ELAVL2: variants seen among roughly 807,000 people sequenced by gnomAD.
ELAVL2 encodes the protein ELAV like RNA binding protein 2, also known as ELAV-like protein 2.
ELAVL2 carries 4 observed loss-of-function variants against 34.6 expected under a neutral mutation model. The observed-to-expected ratio is 0.12, with a 90% CI of 0.06 to 0.26. The LOEUF is 0.26. Among genes scored for constraint, ELAVL2 ranks in the 10% least tolerant of loss-of-function variants. The pLI is 1.00. For missense variants in ELAVL2, 432 were observed against 442.8 expected, an observed-to-expected ratio of 0.98 and a Z score of 0.22; for synonymous variants, 193 against 154.8, an observed-to-expected ratio of 1.25 and a Z score of -1.83.
At chr9:23,764,782 A>C (rs1373670542) in intron 1 of ELAVL2, among the ~76,000 whole-genome samples, 1 of 152,168 alleles carries the variant, frequency 6.6e-6, no homozygotes, top group Non-Finnish European at 1.5e-5. Flanking sequence ...ATCCTAATTT[A>C]GATTGTAAAA....
At chr9:23,740,629 C>CAAGA (rs1003576754) in intron 2 of ELAVL2, among the ~76,000 whole-genome samples, 46 of 151,072 alleles carry the variant, frequency 3.0e-4, no homozygotes, top group African/African-American at 1.1e-3. Flanking sequence ...TTAATCCATC[C>CAAGA]AAGAGACTAT....
In ELAVL2 at chr9:23,825,852, T is replaced by A. The variant is rs185582890; in HGVS notation, c.-62A>T. 6.6e-6 allele frequency: 1 copy of A among 152,342 alleles called. No homozygotes were observed. Among genetic ancestry groups the A allele is most frequent in the Non-Finnish European group, 1.5e-5 (1 of 68,040 alleles). 9.4% of individuals were successfully genotyped at this position (152,342 alleles called of 1,614,324 possible). On this transcript the variant is annotated 5_prime_UTR_variant, in exon 1 of 7. Coordinates refer to ENST00000397312, the MANE Select transcript of ELAVL2 (RefSeq NM_004432.5). ...TGTATGTGTGTTTTTAAAGTAACGG[T>A]GCAGTTCTCCCAATAAGGATGAGCA...
At chr9:23,762,548 T>C (rs974053744) in intron 1 of ELAVL2, among the ~76,000 whole-genome samples, 5 of 151,996 alleles carry the variant, frequency 3.3e-5, no homozygotes, top group Admixed American at 2.6e-4. Context: ...TCACCTGCAG[T>C]GTCCACAGAT....
intron 2 of ELAVL2, among the ~76,000 whole-genome samples, chr9:23,742,454 G>A (rs751951134): frequency 6.6e-6 from 1 of 152,288 alleles, no homozygotes; most frequent in South Asian, 2.1e-4. Flanking sequence ...ATACAATATG[G>A]TGACATCAAG....
At chr9:23,820,277 G>C (rs978164878) in intron 1 of ELAVL2, among the ~76,000 whole-genome samples, 6 of 152,234 alleles carry the variant, frequency 3.9e-5, no homozygotes, top group African/African-American at 1.4e-4. Context: ...CGTAAGTTTT[G>C]AGGCTGAGCT....
chr9:23,807,863 G>A (rs936015038), intron 1 of ELAVL2, among the ~76,000 whole-genome samples: 1 of 152,116 alleles, frequency 6.6e-6, no homozygotes, highest in African/African-American at 2.4e-5. Flanking sequence ...TCAAAGCCAT[G>A]GGTAAAGAGA....
At chr9:23,730,317 C>G (rs945443887) in intron 3 of ELAVL2, among the ~76,000 whole-genome samples, 1 of 152,044 alleles carries the variant, frequency 6.6e-6, no homozygotes, top group Non-Finnish European at 1.5e-5. Flanking sequence ...ATTTACTGTA[C>G]GTCTTAAAAA....
chr9:23,701,331 AT>A, intron 5 of ELAVL2, 47 bp downstream of exon 5: 1 of 1,590,490 alleles, frequency 6.3e-7, no homozygotes, highest in Non-Finnish European at 8.6e-7. Context: ...AAACCTGAGT[AT>A]TCTCTTTCAG....
chr9:23,722,985 G>T (rs1289023958), intron 3 of ELAVL2, among the ~76,000 whole-genome samples: 1 of 152,136 alleles, frequency 6.6e-6, no homozygotes, highest in Non-Finnish European at 1.5e-5. Context: ...GGTGATAAAT[G>T]AAAGAAAAGC....
At position 23,690,161 on chromosome 9, in the gene ELAVL2, A is replaced by G. The variant is rs940343557; in HGVS notation, c.*2396T>C. 6.6e-6 allele frequency: 1 copy of G among 152,600 alleles called. No individual in the cohort carries two copies. The highest frequency in any genetic ancestry group is 1.5e-5 in the Non-Finnish European group (1 of 68,018). 9.5% of individuals were successfully genotyped at this position (152,600 alleles called of 1,614,324 possible). A position where few individuals can be genotyped will look rare whatever the true frequency, so the allele number is the denominator to read the frequency against. On this transcript the variant is annotated 3_prime_UTR_variant, in exon 7 of 7. Transcript: ENST00000397312. ...ACATGAAAAAGTACAAAGAATCCAA[A>G]CACAAAAGAAAACATGTACAGCCTC...
intron 1 of ELAVL2, among the ~76,000 whole-genome samples, chr9:23,794,326 G>C (rs1276494882): frequency 6.6e-6 from 1 of 152,086 alleles, no homozygotes; most frequent in African/African-American, 2.4e-5. Context: ...TGCCCAAAAG[G>C]GCTGGGCCAT....
At chr9:23,849,126 A>G in the ELAVL2 span, among the ~76,000 whole-genome samples, 1 of 152,212 alleles carries the variant, frequency 6.6e-6, no homozygotes, top group East Asian at 1.9e-4. Context: ...AATGAATGAG[A>G]AAAAGGGGCA....
At chr9:23,833,060 CG>C in the ELAVL2 span, among the ~76,000 whole-genome samples, 2 of 151,698 alleles carry the variant, frequency 1.3e-5, no homozygotes, top group South Asian at 2.1e-4. Flanking sequence ...GAGGTGTTTG[CG>C]TTTTTTTTAT....
chr9:23,813,648 G>C (rs141574593), intron 1 of ELAVL2, among the ~76,000 whole-genome samples: 308 of 152,236 alleles, frequency 2.0e-3, no homozygotes, highest in African/African-American at 5.0e-3. Context: ...AAATCCCAGG[G>C]GGGGAGGAGA....
chr9:23,767,865 T>C (rs184284381), intron 1 of ELAVL2, among the ~76,000 whole-genome samples: 3 of 152,296 alleles, frequency 2.0e-5, no homozygotes, highest in Non-Finnish European at 4.4e-5. Context: ...AAAGGTTCCA[T>C]AGCCTAGAAA....
chr9:23,703,488 A>T (rs2038189409), intron 4 of ELAVL2, among the ~76,000 whole-genome samples: 1 of 152,178 alleles, frequency 6.6e-6, no homozygotes, highest in Non-Finnish European at 1.5e-5. Flanking sequence ...CATGACAGCA[A>T]AATCTGTAGG....
intron 1 of ELAVL2, among the ~76,000 whole-genome samples, chr9:23,782,967 T>C (rs2059255748): frequency 6.6e-6 from 1 of 152,168 alleles, no homozygotes; most frequent in African/African-American, 2.4e-5. Flanking sequence ...CAGTTGCTCA[T>C]TGTGCCTTCA....
At chr9:23,820,087 T>A (rs1267355616) in intron 1 of ELAVL2, among the ~76,000 whole-genome samples, 1 of 151,908 alleles carries the variant, frequency 6.6e-6, no homozygotes, top group Non-Finnish European at 1.5e-5. Flanking sequence ...CTCACCAAAA[T>A]GGAAACTCCA....
intron 2 of ELAVL2, among the ~76,000 whole-genome samples, chr9:23,749,947 C>G (rs968053437): frequency 1.3e-5 from 2 of 151,124 alleles, no homozygotes; most frequent in Non-Finnish European, 2.9e-5. Context: ...ATTCACTATA[C>G]TAACAGGTCC....
Sources: gnomAD v4.1 joint callset for allele counts (sites outside exome capture counted in the v4.1 genomes callset) on GRCh38, gnomAD v4.1.1 for gene constraint, MANE v1.5 for transcripts, NCBI Gene and HGNC (gene_info 2026-07-23, HGNC 2026-07-21) for gene names.